ZNF609: variants seen among roughly 807,000 people sequenced by gnomAD.
ZNF609 encodes the protein zinc finger protein 609.
Under a neutral mutation model 109.5 loss-of-function variants are expected in ZNF609, and 11 were observed. The ratio of observed to expected loss-of-function variants is 0.10; its 90% CI spans 0.06 to 0.17. The LOEUF (loss-of-function observed/expected upper bound fraction) is 0.17, where lower values mean the gene tolerates loss of function less well. Among genes scored for constraint, ZNF609 ranks in the 10% least tolerant of loss-of-function variants. ZNF609 has a pLI of 1.00. For synonymous variants in ZNF609, 646 were observed against 662.0 expected (o/e 0.98, Z 0.37); for missense variants, 1,559 against 1,772.4 (o/e 0.88, Z 2.16).
At chr15:64,567,197 G>A (rs1894789264) in intron 2 of ZNF609, among the ~76,000 whole-genome samples, 1 of 151,990 alleles carries the variant, frequency 6.6e-6, no homozygotes, top group Non-Finnish European at 1.5e-5. Context: ...AAAAAGCCTT[G>A]CATTCCAGCT....
intron 2 of ZNF609, among the ~76,000 whole-genome samples, chr15:64,557,293 G>A (rs612655): frequency 0.87 from 131,794 of 151,784 alleles, 58,406 homozygotes; most frequent in East Asian, 0.96. Flanking sequence ...AGTGATTTCA[G>A]AGAACATTGA....
chr15:64,479,792 A>T (rs1411947227), intron 1 of ZNF609, among the ~76,000 whole-genome samples: 2 of 151,644 alleles, frequency 1.3e-5, no homozygotes, highest in Non-Finnish European at 2.9e-5. Flanking sequence ...GGTGGTGCAC[A>T]CCTGTAATCC....
intron 2 of ZNF609, among the ~76,000 whole-genome samples, chr15:64,554,459 G>A (rs1894543224): frequency 6.6e-6 from 1 of 151,806 alleles, no homozygotes; most frequent in Admixed American, 6.6e-5. Flanking sequence ...TGGACAACAA[G>A]ACAAAACCCC....
intron 2 of ZNF609, among the ~76,000 whole-genome samples, chr15:64,553,542 ATAAT>A (rs1005733928): frequency 7.3e-4 from 110 of 151,372 alleles, no homozygotes; most frequent in African/African-American, 2.4e-3. Context: ...TGTTTACGTA[ATAAT>A]TTTTTAATTT....
intron 2 of ZNF609, among the ~76,000 whole-genome samples, chr15:64,553,754 A>G (rs1441926759): frequency 6.6e-6 from 1 of 151,830 alleles, no homozygotes; most frequent in African/African-American, 2.4e-5. Flanking sequence ...ACCTGACACC[A>G]TGCCTGGCTA....
chr15:64,682,801 C>T lies in ZNF609; in HGVS notation c.*1115C>T, dbSNP rs2083218436. 6.6e-6 allele frequency: 1 copy of T among 152,446 alleles called. No individual in the cohort carries two copies. The highest frequency in any genetic ancestry group is 1.5e-5 in the Non-Finnish European group (1 of 68,048). The allele number at this position is 152,446 out of a possible 1,614,324, so 9.4% of individuals were successfully genotyped here. On this transcript the variant is annotated 3_prime_UTR_variant, in exon 10 of 10. Coordinates refer to ENST00000326648, the MANE Select transcript of ZNF609 (RefSeq NM_015042.2). ...GCCACAGATATATACAGCCCAATTC[C>T]TCTGTCTACAAGTACATGATTTTAT... is the stretch of plus-strand genomic sequence containing the variant.
intron 1 of ZNF609, among the ~76,000 whole-genome samples, chr15:64,472,045 G>A (rs1477103694): frequency 3.3e-5 from 5 of 151,950 alleles, no homozygotes; most frequent in African/African-American, 1.2e-4. Flanking sequence ...CGAGTAGCTG[G>A]TATTATAGGT....
chr15:64,505,233 T>C (rs940549149), intron 2 of ZNF609, among the ~76,000 whole-genome samples: 20 of 152,226 alleles, frequency 1.3e-4, no homozygotes, highest in African/African-American at 4.8e-4. Flanking sequence ...TGACTACTTA[T>C]GATATATGTG....
At position 64,685,123 on chromosome 15, in the gene ZNF609, C is replaced by G. The variant is rs2083233439; in HGVS notation, c.*3437C>G. On this transcript the variant is annotated 3_prime_UTR_variant, in exon 10 of 10. Coordinates refer to ENST00000326648, the MANE Select transcript of ZNF609 (RefSeq NM_015042.2). Reference sequence around the variant, plus strand: ...GAATTTAATTTCAGTCTTCCTGATTCTTCCCTTCTGTAAAGTGTACATTAC... The same window carrying G: ...GAATTTAATTTCAGTCTTCCTGATTGTTCCCTTCTGTAAAGTGTACATTAC... The G allele has an allele frequency of 6.6e-6, 1 of 152,220 alleles. No homozygotes were observed. Among genetic ancestry groups the G allele is most frequent in the Non-Finnish European group, 1.5e-5 (1 of 67,990 alleles). 9.4% of individuals were successfully genotyped at this position (152,220 alleles called of 1,614,324 possible).
intron 3 of ZNF609, among the ~76,000 whole-genome samples, chr15:64,667,435 G>A (rs61117068): frequency 6.6e-6 from 1 of 152,134 alleles, no homozygotes; most frequent in Non-Finnish European, 1.5e-5. Context: ...GGAGCTGGGT[G>A]TGGTGGCTAA....
Position 64,548,341 on chromosome 15 carries a change from A to T in ZNF609, c.747+48175A>T, listed in dbSNP as rs1319367158. 2.0e-5 allele frequency among the ~76,000 whole-genome samples: 3 copies of T among 152,210 alleles called. No homozygotes were observed. In the East Asian group the frequency reaches 5.8e-4, roughly 29 times the overall value. On this transcript the variant is annotated intron_variant, in intron 2 of 9. Coordinates refer to ENST00000326648, the MANE Select transcript of ZNF609 (RefSeq NM_015042.2). Reference sequence around the variant, plus strand: ...AAAGGTGCCACTTTTGAATAATTTTACTCGTGTACACTCTAACAAAATGTG... The same window carrying T: ...AAAGGTGCCACTTTTGAATAATTTTTCTCGTGTACACTCTAACAAAATGTG...
chr15:64,558,366 T>G (rs1001015574), intron 2 of ZNF609, among the ~76,000 whole-genome samples: 1 of 152,188 alleles, frequency 6.6e-6, no homozygotes, highest in African/African-American at 2.4e-5. Context: ...CTCAATTTCC[T>G]CATCTATACA....
intron 3 of ZNF609, among the ~76,000 whole-genome samples, chr15:64,636,125 A>G (rs1371640461): frequency 2.0e-5 from 3 of 152,164 alleles, no homozygotes; most frequent in African/African-American, 7.2e-5. Flanking sequence ...CTGTATTTCA[A>G]TTAAATTATA....
intron 3 of ZNF609, among the ~76,000 whole-genome samples, chr15:64,632,914 A>G (rs375224894): frequency 6.6e-6 from 1 of 151,732 alleles, no homozygotes; most frequent in East Asian, 1.9e-4. Context: ...CTGGGACTAC[A>G]GGCACACACC....
At chr15:64,676,462 A>T (rs1331620664) in intron 5 of ZNF609, among the ~76,000 whole-genome samples, 4 of 151,892 alleles carry the variant, frequency 2.6e-5, no homozygotes, top group Non-Finnish European at 5.9e-5. Context: ...ATGGAGTCTC[A>T]CTCTGTTGCC....
intron 4 of ZNF609, among the ~76,000 whole-genome samples, chr15:64,671,764 G>T (rs1404652582): frequency 5.9e-5 from 9 of 152,076 alleles, no homozygotes; most frequent in Non-Finnish European, 4.4e-5. Flanking sequence ...TTCTTTGTTG[G>T]ATCATATTCA....
Position 64,577,418 on chromosome 15 carries a change from T to C in ZNF609, c.748-45409T>C, listed in dbSNP as rs375785442. 8.6e-3 allele frequency among the ~76,000 whole-genome samples: 114 copies of C among 13,268 alleles called. 33 individuals are homozygous for C. The highest frequency in any genetic ancestry group is 0.012 in the African/African-American group (106 of 9,042). The allele number at this position is 13,268 out of a possible 152,430, so 8.7% of individuals were successfully genotyped here. A position where few individuals can be genotyped will look rare whatever the true frequency, so the allele number is the denominator to read the frequency against. On this transcript the variant is annotated intron_variant, in intron 2 of 9. Coordinates refer to ENST00000326648, the MANE Select transcript of ZNF609 (RefSeq NM_015042.2). ...ACATATATGTATATATATACACATA[T>C]AAATATATACACATATATGTATATA...
chr15:64,539,620 C>T (rs1894215546), intron 2 of ZNF609, among the ~76,000 whole-genome samples: 1 of 152,208 alleles, frequency 6.6e-6, no homozygotes, highest in Non-Finnish European at 1.5e-5. Flanking sequence ...TCTCCTGCCT[C>T]AGCCTTCGGA....
At chr15:64,481,319 C>CTTTTTTTTT (rs889184379) in intron 1 of ZNF609, among the ~76,000 whole-genome samples, 6 of 127,274 alleles carry the variant, frequency 4.7e-5, no homozygotes, top group African/African-American at 1.5e-4. Context: ...TTTCTTTTTT[C>CTTTTTTTTT]TTTTTTTTTT....
Sources: allele counts gnomAD v4.1 joint callset (sites outside exome capture counted in the v4.1 genomes callset), GRCh38; gene constraint gnomAD v4.1.1; transcripts MANE v1.5; gene names NCBI Gene and HGNC (gene_info 2026-07-23, HGNC 2026-07-21).